Variants in CASD1 observed in about 807,000 individuals in gnomAD.
CASD1 encodes the protein CAS1 domain sialic acid O acetyltransferase 1, also known as N-acetylneuraminate (7)9-O-acetyltransferase.
In CASD1, 41 loss-of-function variants were observed where a neutral mutation model predicts 100.0. That is an observed-to-expected ratio of 0.41 (90% CI 0.32 to 0.53). The LOEUF (loss-of-function observed/expected upper bound fraction) is 0.53. Ranked by LOEUF, CASD1 falls within the 20% of genes least tolerant of loss-of-function variation. The pLI, the probability that CASD1 is intolerant of heterozygous loss-of-function variation, is 0.25. For synonymous variants in CASD1, 321 were observed against 315.6 expected (o/e 1.02, Z -0.18); for missense variants, 774 against 948.7 (o/e 0.82, Z 2.42).
intron 3 of CASD1, 103 bp from the exon 4 acceptor site, chr7:94,527,059 T>C: frequency 1.2e-6 from 1 of 866,086 alleles, no homozygotes; most frequent in Non-Finnish European, 1.8e-6. Context: ...TAAAAATATA[T>C]CAACAAAAAT....
At chr7:94,559,322 GTGTA>G (rs144478135), downstream of CASD1, among the ~76,000 whole-genome samples, 11,038 of 148,814 alleles carry the variant, frequency 0.074, 646 homozygotes, top group East Asian at 0.2. Flanking sequence ...GTGTGTGTGT[GTGTA>G]TATATATATG....
the CASD1 span, chr7:94,585,329 AT>A: frequency 3.6e-6 from 2 of 555,122 alleles, no homozygotes; most frequent in African/African-American, 1.8e-5. Context: ...GTACAAAAAA[AT>A]ACATTAGTAA....
chr7:94,631,729 G>A, the CASD1 span, among the ~76,000 whole-genome samples: 1 of 151,776 alleles, frequency 6.6e-6, no homozygotes, highest in African/African-American at 2.4e-5. Flanking sequence ...AAACTGGGAA[G>A]AAAAGAAGAG....
At chr7:94,598,638 A>T in the CASD1 span, 7 of 749,252 alleles carry the variant, frequency 9.3e-6, no homozygotes, top group Admixed American at 1.3e-4. Flanking sequence ...TAGGGGTGAG[A>T]TTTACACAAT....
the CASD1 span, among the ~76,000 whole-genome samples, chr7:94,594,141 C>A: frequency 2.6e-5 from 4 of 152,066 alleles, no homozygotes; most frequent in African/African-American, 9.7e-5. Context: ...AAAGGGCAAT[C>A]ATTGAGGTAC....
the CASD1 span, among the ~76,000 whole-genome samples, chr7:94,570,158 A>G: frequency 6.6e-6 from 1 of 152,054 alleles, no homozygotes; most frequent in South Asian, 2.1e-4. Flanking sequence ...TTAAAATACG[A>G]GGATTTACTT....
At chr7:94,511,077 C>T (rs1290388867) in intron 1 of CASD1, among the ~76,000 whole-genome samples, 2 of 152,170 alleles carry the variant, frequency 1.3e-5, no homozygotes, top group African/African-American at 4.8e-5. Flanking sequence ...ATTTACTTCT[C>T]CTTGCTGATT....
At chr7:94,533,828 T>A in intron 7 of CASD1, 26 bp downstream of exon 7, 1 of 1,519,256 alleles carries the variant, frequency 6.6e-7, no homozygotes, top group Non-Finnish European at 8.8e-7. Flanking sequence ...TGAAAAAATG[T>A]CACTTTGTGT....
At chr7:94,557,703 TC>T (rs1426712813), downstream of CASD1, among the ~76,000 whole-genome samples, 1 of 151,986 alleles carries the variant, frequency 6.6e-6, no homozygotes, top group Non-Finnish European at 1.5e-5. Flanking sequence ...GAGCCCTGTT[TC>T]TTCATCACTT....
rs1796111917 is a variant in CASD1, at chr7:94,554,580, G to T, written c.2127+5G>T. 1 of 1,582,004 alleles carries T rather than the reference G, an allele frequency of 6.3e-7. No individual in the cohort carries two copies. Among genetic ancestry groups the T allele is most frequent in the Non-Finnish European group, 8.7e-7 (1 of 1,152,274 alleles). On this transcript the variant is annotated splice_donor_5th_base_variant and intron_variant, in intron 17 of 17. Coordinates refer to ENST00000297273, the MANE Select transcript of CASD1 (RefSeq NM_022900.5). ...TTTGGAAAAATTTCATTAGAGGTTG[G>T]TACATTAATATTTTGCTTATCTTAC...
chr7:94,587,706 T>C, the CASD1 span: 2 of 1,533,930 alleles, frequency 1.3e-6, no homozygotes, highest in African/African-American at 1.4e-5. Flanking sequence ...AAGCAAGTAA[T>C]CAAAATTGTA....
At chr7:94,561,003 TTAGAACATTAA>T (rs1268168374), downstream of CASD1, among the ~76,000 whole-genome samples, 14 of 152,174 alleles carry the variant, frequency 9.2e-5, no homozygotes, top group Non-Finnish European at 1.8e-4. Flanking sequence ...TGGGAACATT[TTAGAACATTAA>T]TATTTGATGA....
the CASD1 span, chr7:94,600,420 A>G: frequency 4.0e-6 from 2 of 496,860 alleles, no homozygotes; most frequent in Non-Finnish European, 7.2e-6. Context: ...ATTTACATCT[A>G]GCCTTAATAA....
chr7:94,585,040 A>G, the CASD1 span: 1 of 157,246 alleles, frequency 6.4e-6, no homozygotes, highest in Non-Finnish European at 1.4e-5. Context: ...ACAGGCCACA[A>G]GAGTTAAAGT....
chr7:94,538,404 A>T (rs2116340993), intron 9 of CASD1, among the ~76,000 whole-genome samples: 1 of 152,282 alleles, frequency 6.6e-6, no homozygotes, highest in East Asian at 1.9e-4. Flanking sequence ...GTCATTGCTC[A>T]GAATATTTGT....
the CASD1 span, among the ~76,000 whole-genome samples, chr7:94,595,873 G>A: frequency 6.6e-6 from 1 of 151,986 alleles, no homozygotes; most frequent in African/African-American, 2.4e-5. Context: ...ATAAAAGAAA[G>A]ATAATATACA....
intron 3 of CASD1, among the ~76,000 whole-genome samples, chr7:94,524,541 G>T (rs1023242382): frequency 2.6e-4 from 40 of 152,132 alleles, no homozygotes; most frequent in Admixed American, 4.6e-4. Context: ...ATAACTGCTA[G>T]TGAGAGTGTA....
At chr7:94,511,929 GAAGT>G (rs1307436698) in intron 1 of CASD1, among the ~76,000 whole-genome samples, 3 of 152,204 alleles carry the variant, frequency 2.0e-5, no homozygotes, top group Admixed American at 6.5e-5. Flanking sequence ...GCCTTCTCCA[GAAGT>G]AAGTCATCAG....
intron 13 of CASD1, among the ~76,000 whole-genome samples, chr7:94,548,255 T>C (rs1222843333): frequency 6.6e-6 from 1 of 151,790 alleles, no homozygotes; most frequent in Non-Finnish European, 1.5e-5. Context: ...CCACTGTCTT[T>C]CACAAAATAG....
Sources: allele counts gnomAD v4.1 joint callset (sites outside exome capture counted in the v4.1 genomes callset), GRCh38; gene constraint gnomAD v4.1.1; transcripts MANE v1.5; gene names NCBI Gene and HGNC (gene_info 2026-07-23, HGNC 2026-07-21).